Variants in DLG2 observed in about 807,000 individuals in gnomAD.
The protein encoded by DLG2 is disks large homolog 2.
DLG2 carries 45 observed loss-of-function variants against 132.5 expected under a neutral mutation model. That is an observed-to-expected ratio of 0.34 (90% confidence interval 0.27 to 0.44). DLG2 has a LOEUF of 0.44. Ranked by LOEUF, DLG2 falls within the 20% of genes least tolerant of loss-of-function variation. The pLI is 1.00. For synonymous variants in DLG2, 424 were observed against 419.6 expected, an observed-to-expected ratio of 1.01 and a Z score of -0.13; for missense variants, 1,045 against 1,196.9, an observed-to-expected ratio of 0.87 and a Z score of 1.87.
At chr11:84,534,759 T>C (rs2099351198) in intron 6 of DLG2, 28 bp from the exon 7 acceptor site, 1 of 1,609,166 alleles carries the variant, frequency 6.2e-7, no homozygotes, top group Admixed American at 1.7e-5. Context: ...AAAGGACAAG[T>C]ATGTATATAT....
intron 3 of DLG2, among the ~76,000 whole-genome samples, chr11:85,423,618 G>A (rs1217232407): frequency 6.6e-6 from 1 of 152,108 alleles, no homozygotes; most frequent in African/African-American, 2.4e-5. Context: ...TGCTGTGGGG[G>A]ATGGGGGTGA....
At chr11:83,750,528 T>C (rs1340662193) in intron 18 of DLG2, among the ~76,000 whole-genome samples, 1 of 152,236 alleles carries the variant, frequency 6.6e-6, no homozygotes, top group Non-Finnish European at 1.5e-5. Context: ...AGAGAGGCTC[T>C]ACTCCTTGCT....
At chr11:85,566,946 G>A (rs1335693702) in intron 3 of DLG2, among the ~76,000 whole-genome samples, 2 of 152,170 alleles carry the variant, frequency 1.3e-5, no homozygotes, top group Admixed American at 6.5e-5. Context: ...CCCCTTGAAT[G>A]GGCCTTGGCA....
intron 3 of DLG2, among the ~76,000 whole-genome samples, chr11:85,505,908 G>A (rs893124919): frequency 6.6e-6 from 1 of 152,184 alleles, no homozygotes; most frequent in Non-Finnish European, 1.5e-5. Context: ...CCTGTTTTTG[G>A]TCTATTCAGG....
chr11:84,827,044 G>C (rs768772624), intron 6 of DLG2, among the ~76,000 whole-genome samples: 2 of 151,760 alleles, frequency 1.3e-5, no homozygotes, highest in African/African-American at 2.4e-5. Context: ...AGCTGGCACT[G>C]TGGTGTGGTA....
At chr11:84,271,949 CAAAAAAAAAAAA>C (rs71036417) in intron 7 of DLG2, among the ~76,000 whole-genome samples, 1 of 77,792 alleles carries the variant, frequency 1.3e-5, no homozygotes, top group Admixed American at 1.5e-4. Flanking sequence ...TTGATAATAA[CAAAAAAAAAAAA>C]AAAAAAAAAA....
intron 6 of DLG2, among the ~76,000 whole-genome samples, chr11:85,029,506 G>A (rs1010582904): frequency 2.6e-5 from 4 of 152,152 alleles, no homozygotes; most frequent in Admixed American, 6.5e-5. Context: ...AAATAAAGTT[G>A]CCTAAATATA....
At chr11:84,998,854 T>C (rs2057940867) in intron 6 of DLG2, among the ~76,000 whole-genome samples, 1 of 152,124 alleles carries the variant, frequency 6.6e-6, no homozygotes. Context: ...TTCTTGGGTA[T>C]ATACCAGACA....
intron 17 of DLG2, among the ~76,000 whole-genome samples, chr11:83,819,819 G>A (rs963160514): frequency 1.3e-5 from 2 of 152,086 alleles, no homozygotes; most frequent in African/African-American, 4.8e-5. Context: ...GAGAATTATA[G>A]GTCAGTCCAA....
At chr11:85,282,649 A>G (rs1189049368) in intron 4 of DLG2, among the ~76,000 whole-genome samples, 1 of 152,088 alleles carries the variant, frequency 6.6e-6, no homozygotes, top group East Asian at 1.9e-4. Flanking sequence ...TTGTTTTAAG[A>G]ACAACTGTAT....
chr11:84,221,931 G>A (rs1308016207), intron 8 of DLG2, among the ~76,000 whole-genome samples: 2 of 151,958 alleles, frequency 1.3e-5, no homozygotes, highest in East Asian at 1.9e-4. Flanking sequence ...TAGATATTAT[G>A]TTATTAGATA....
intron 18 of DLG2, among the ~76,000 whole-genome samples, chr11:83,733,690 G>A (rs191587853): frequency 1.8e-3 from 274 of 152,270 alleles, no homozygotes; most frequent in Non-Finnish European, 2.9e-3. Context: ...GGCTAACTAT[G>A]CCCAGTTCTA....
chr11:84,537,279 T>C (rs1591822270), intron 6 of DLG2, among the ~76,000 whole-genome samples: 1 of 151,890 alleles, frequency 6.6e-6, no homozygotes, highest in South Asian at 2.1e-4. Context: ...GCTATTTTTT[T>C]TATTTTTAGT....
chr11:85,546,818 C>CTTTTTTTTTTTTTTTTTT (rs34822004), intron 3 of DLG2, among the ~76,000 whole-genome samples: 3 of 69,000 alleles, frequency 4.3e-5, no homozygotes, highest in Non-Finnish European at 7.9e-5. Context: ...ATAACCCCTG[C>CTTTTTTTTTTTTTTTTTT]TTTTTTTTTT....
At chr11:85,143,211 A>C (rs1286909087) in intron 5 of DLG2, among the ~76,000 whole-genome samples, 19 of 151,422 alleles carry the variant, frequency 1.3e-4, no homozygotes, top group Admixed American at 1.3e-3. Flanking sequence ...CTTAATTATG[A>C]CTTCTGTCTC....
At chr11:84,477,134 T>C (rs988500940) in intron 7 of DLG2, among the ~76,000 whole-genome samples, 2 of 152,104 alleles carry the variant, frequency 1.3e-5, no homozygotes, top group African/African-American at 4.8e-5. Context: ...AATGTAGGCT[T>C]CTATAGTCTG....
chr11:83,587,548 G>A (rs914255001), intron 19 of DLG2, among the ~76,000 whole-genome samples: 1 of 152,162 alleles, frequency 6.6e-6, no homozygotes, highest in Non-Finnish European at 1.5e-5. Flanking sequence ...TGGGATTATA[G>A]GCAAATGTGC....
chr11:85,564,697 TCTC>T (rs1220343049), intron 3 of DLG2, among the ~76,000 whole-genome samples: 2 of 152,018 alleles, frequency 1.3e-5, no homozygotes, highest in East Asian at 1.9e-4. Context: ...TTGTCCAACT[TCTC>T]CTTCTTTTTC....
At position 83,656,357 on chromosome 11, in the gene DLG2, C is replaced by T. The variant is rs567306544; in HGVS notation, c.1826-23032G>A. Among the ~76,000 whole-genome samples, 6 of 152,336 alleles carry T rather than the reference C, an allele frequency of 3.9e-5. No individual in the cohort carries two copies. The East Asian group carries it at 1.2e-3, about 29-fold the overall frequency. On this transcript the variant is annotated intron_variant, in intron 18 of 27. Coordinates refer to ENST00000376104, the MANE Select transcript of DLG2 (RefSeq NM_001142699.3). ...AGAGCCTCAGGGCCTTTCCACCCAT[C>T]ATTTCCTCTCCAAGGTGGGTCCTGG...
Sources: gnomAD v4.1 joint callset for allele counts (sites outside exome capture counted in the v4.1 genomes callset) on GRCh38, gnomAD v4.1.1 for gene constraint, MANE v1.5 for transcripts, NCBI Gene and HGNC (gene_info 2026-07-23, HGNC 2026-07-21) for gene names.